The following UBE2K variants were observed in gnomAD, a reference collection of about 807,000 sequenced individuals.
UBE2K encodes the protein ubiquitin-conjugating enzyme E2 K.
In UBE2K, 6 loss-of-function variants were observed where a neutral mutation model predicts 30.0. The observed-to-expected ratio is 0.20, with a 90% confidence interval of 0.11 to 0.39. UBE2K has a LOEUF of 0.39. Ranked by LOEUF, UBE2K falls within the 10% of genes least tolerant of loss-of-function variation. UBE2K has a pLI of 1.00. For missense variants in UBE2K, 61 were observed against 241.6 expected (o/e 0.25, Z 4.96); for synonymous variants, 86 against 83.7 (o/e 1.03, Z -0.15).
chr4:39,727,993 G>T (rs779195887), intron 1 of UBE2K, among the ~76,000 whole-genome samples: 1 of 152,084 alleles, frequency 6.6e-6, no homozygotes, highest in East Asian at 1.9e-4. Context: ...AATTAGCCAG[G>T]CGTGGTGCTG....
chr4:39,717,859 C>T (rs970284462), intron 1 of UBE2K, among the ~76,000 whole-genome samples: 5 of 146,940 alleles, frequency 3.4e-5, no homozygotes, highest in Middle Eastern at 3.2e-3. Flanking sequence ...CAGACCTTCG[C>T]GGTGAGTGTT....
chr4:39,770,692 C>T (rs1560379297), intron 4 of UBE2K: 4 of 1,573,842 alleles, frequency 2.5e-6, no homozygotes, highest in Non-Finnish European at 3.4e-6. Flanking sequence ...CTGGGGGGCA[C>T]GCTGCTCTGG....
At chr4:39,726,409 G>T (rs757542309) in intron 1 of UBE2K, among the ~76,000 whole-genome samples, 9 of 151,720 alleles carry the variant, frequency 5.9e-5, no homozygotes, top group Admixed American at 2.6e-4. Flanking sequence ...TTGTAGAGAC[G>T]GAGATCTCAC....
At chr4:39,747,315 C>A (rs1015622391) in intron 3 of UBE2K, among the ~76,000 whole-genome samples, 1 of 152,196 alleles carries the variant, frequency 6.6e-6, no homozygotes, top group African/African-American at 2.4e-5. Context: ...TTCTCACCTT[C>A]CCAAACTGAA....
chr4:39,722,753 A>G lies in UBE2K; in HGVS notation c.64-14667A>G, dbSNP rs946747010. Among the ~76,000 whole-genome samples the G allele has an allele frequency of 3.3e-5, 5 of 151,996 alleles. No homozygotes were observed. In the East Asian group the frequency reaches 9.7e-4, roughly 29 times the overall value. ...ATTTTTTTTTCCTCATAAATGTTAT[A>G]AGGAAATGATGTTATCCAAGGACCT... On this transcript the variant is annotated intron_variant, in intron 1 of 6. Transcript: ENST00000261427.
At chr4:39,716,296 G>C (rs967068151) in intron 1 of UBE2K, among the ~76,000 whole-genome samples, 1 of 149,600 alleles carries the variant, frequency 6.7e-6, no homozygotes, top group African/African-American at 2.5e-5. Context: ...TCCAGGCTGG[G>C]GTGCCGTGTT....
intron 1 of UBE2K, among the ~76,000 whole-genome samples, chr4:39,735,592 A>C (rs1720334117): frequency 6.6e-6 from 1 of 152,260 alleles, no homozygotes; most frequent in East Asian, 1.9e-4. Flanking sequence ...CGTGTTAGCC[A>C]GGATGGTCTC....
chr4:39,727,526 C>A (rs1006545181), intron 1 of UBE2K, among the ~76,000 whole-genome samples: 1 of 151,814 alleles, frequency 6.6e-6, no homozygotes, highest in African/African-American at 2.4e-5. Context: ...CACACCCACA[C>A]CTACCTAATT....
At chr4:39,742,086 C>T (rs1362866070) in intron 2 of UBE2K, among the ~76,000 whole-genome samples, 1 of 151,902 alleles carries the variant, frequency 6.6e-6, no homozygotes, top group African/African-American at 2.4e-5. Flanking sequence ...TATATAATAT[C>T]TGTGGGCCCT....
At chr4:39,733,434 G>A (rs1466092584) in intron 1 of UBE2K, among the ~76,000 whole-genome samples, 1 of 148,650 alleles carries the variant, frequency 6.7e-6, no homozygotes, top group African/African-American at 2.5e-5. Flanking sequence ...CCAAGTTCAA[G>A]CCATTCTTCT....
chr4:39,755,559 CCTTT>C (rs1177730129), intron 3 of UBE2K, 94 bp from the exon 4 acceptor site: 15 of 891,624 alleles, frequency 1.7e-5, no homozygotes, highest in African/African-American at 1.5e-4. Flanking sequence ...GATATAGGGA[CCTTT>C]CTTTTTTTAG....
In UBE2K at chr4:39,778,283, T is replaced by G. The variant is rs1031986261; in HGVS notation, c.529-77T>G. 6.6e-6 allele frequency: 6 copies of G among 914,200 alleles called. No homozygotes were observed. In the Admixed American group the frequency reaches 1.3e-4, roughly 20 times the overall value. 56.6% of individuals were successfully genotyped at this position (914,200 alleles called of 1,614,324 possible). A position where few individuals can be genotyped will look rare whatever the true frequency, so the allele number is the denominator to read the frequency against. On this transcript the variant is annotated intron_variant, in intron 6 of 6. Transcript: ENST00000261427. ...AAAGAAACAAGGTGTTAATTCCCAG[T>G]ATAAAGAGTGAATGATTCAGTATTG...
At chr4:39,771,450 G>C in intron 4 of UBE2K, 1 of 1,580,438 alleles carries the variant, frequency 6.3e-7, no homozygotes, top group South Asian at 1.1e-5. Context: ...GGCGGGGGTG[G>C]GCAACCCTGG....
intron 1 of UBE2K, among the ~76,000 whole-genome samples, chr4:39,727,744 G>A (rs1440445514): frequency 1.3e-5 from 2 of 152,054 alleles, no homozygotes; most frequent in Non-Finnish European, 2.9e-5. Context: ...TTGAGTAAGT[G>A]TATAATAAAA....
chr4:39,772,691 CT>C (rs372017743), intron 4 of UBE2K, among the ~76,000 whole-genome samples: 164 of 145,492 alleles, frequency 1.1e-3, no homozygotes, highest in South Asian at 1.3e-3. Context: ...GATAAAGCAA[CT>C]TTTTTTTTTT....
chr4:39,731,590 G>A (rs1243687299), intron 1 of UBE2K, among the ~76,000 whole-genome samples: 2 of 152,030 alleles, frequency 1.3e-5, no homozygotes, highest in Non-Finnish European at 2.9e-5. Context: ...GCTGAGGCAG[G>A]AGAATTCCTT....
At position 39,770,362 on chromosome 4, in the gene UBE2K, C is replaced by G. The variant is rs1712705331; in HGVS notation, c.300-4472C>G. 10 of 1,613,124 alleles carry G rather than the reference C, an allele frequency of 6.2e-6. No individual in the cohort carries two copies. The South Asian group carries it at 1.1e-4, about 18-fold the overall frequency. On this transcript the variant is annotated intron_variant, in intron 4 of 6. Coordinates refer to ENST00000261427, the MANE Select transcript of UBE2K (RefSeq NM_005339.5). Reference sequence around the variant, plus strand: ...TTGAGGTTGTTGCTGTGGTTGAACTCCTTGCCACAGCGAGGGCACATGAAG... The same window carrying G: ...TTGAGGTTGTTGCTGTGGTTGAACTGCTTGCCACAGCGAGGGCACATGAAG...
chr4:39,722,127 TAA>T (rs1335887241), intron 1 of UBE2K, among the ~76,000 whole-genome samples: 1 of 152,020 alleles, frequency 6.6e-6, no homozygotes, highest in African/African-American at 2.4e-5. Flanking sequence ...TCAGTTGACT[TAA>T]AAAAAAGTCT....
intron 4 of UBE2K, among the ~76,000 whole-genome samples, chr4:39,760,847 G>A (rs932213024): frequency 6.6e-6 from 1 of 152,326 alleles, no homozygotes; most frequent in Non-Finnish European, 1.5e-5. Flanking sequence ...GGCAGGAGTT[G>A]TGAGTAGGAG....
Sources: allele counts gnomAD v4.1 joint callset (sites outside exome capture counted in the v4.1 genomes callset), GRCh38; gene constraint gnomAD v4.1.1; transcripts MANE v1.5; gene names NCBI Gene and HGNC (gene_info 2026-07-23, HGNC 2026-07-21).